GLDN: variants seen among roughly 807,000 people sequenced by gnomAD.
The protein encoded by GLDN is gliomedin.
GLDN carries 47 observed loss-of-function variants against 56.5 expected under a neutral mutation model. The observed-to-expected ratio is 0.83, with a 90% CI of 0.66 to 1.06. The LOEUF is 1.06. Among genes scored for constraint, GLDN ranks in the 50% least tolerant of loss-of-function variants. The pLI is 0.00. For missense variants in GLDN, 782 were observed against 714.3 expected, an observed-to-expected ratio of 1.09 and a Z score of -1.08; for synonymous variants, 332 against 278.8, an observed-to-expected ratio of 1.19 and a Z score of -1.90.
chr15:51,341,919 G>A lies in GLDN; in HGVS notation c.235G>A (p.Ala79Thr). The part of the protein sequence containing the change: ...LAELSRAPRG[A>T]SAPPQDPASS... ...CGAGTTGAGCCGCGCGCCGCGCGGG[G>A]CGTCCGCACCACCCCAAGACCCGGC... The change falls in exon 1 of 10, where the codon GCG becomes ACG. Residue 79 changes from alanine (A) to threonine (T), a missense_variant. Ala to Thr is a moderately conservative substitution (Grantham distance 58, BLOSUM62 0). Transcript: ENST00000335449. 6.3e-7 allele frequency: 1 copy of A among 1,594,772 alleles called. No homozygotes were observed. The highest frequency in any genetic ancestry group is 8.5e-7 in the Non-Finnish European group (1 of 1,178,244).
intron 1 of GLDN, among the ~76,000 whole-genome samples, chr15:51,349,729 G>T (rs756343011): frequency 8.6e-5 from 13 of 150,834 alleles, no homozygotes; most frequent in Non-Finnish European, 1.8e-4. Context: ...TCCCTGGAAC[G>T]GCACTAGGGC....
chr15:51,374,950 C>A (rs2037600368), intron 1 of GLDN, among the ~76,000 whole-genome samples: 1 of 152,012 alleles, frequency 6.6e-6, no homozygotes. Context: ...GTTACCCAGG[C>A]TGGTTGGGCT....
intron 1 of GLDN, among the ~76,000 whole-genome samples, chr15:51,349,799 C>T (rs2445772): frequency 6.6e-6 from 1 of 151,256 alleles, no homozygotes; most frequent in African/African-American, 2.4e-5. Flanking sequence ...GAGTGCAGTG[C>T]TGTGATTTTG....
chr15:51,360,285 G>C (rs2037268191), intron 1 of GLDN: 2 of 152,342 alleles, frequency 1.3e-5, no homozygotes, highest in African/African-American at 2.4e-5. Context: ...AGAAAGAAAG[G>C]CTGGGCAGGC....
intron 4 of GLDN, among the ~76,000 whole-genome samples, chr15:51,386,195 C>T (rs148534621): frequency 6.6e-4 from 101 of 152,270 alleles, no homozygotes; most frequent in African/African-American, 2.2e-3. Flanking sequence ...CAGCATTAGA[C>T]CGCGAAGCCT....
In GLDN at chr15:51,368,020, T is replaced by A. The variant is rs182643978; in HGVS notation, c.364-9429T>A. On this transcript the variant is annotated intron_variant, in intron 1 of 9. Transcript: ENST00000335449. ...TGGAGTAGCTGCAAAAATAAAATTA[T>A]CCTAAACAAGCAGGCACAAAGAGAA... Among the ~76,000 whole-genome samples, 344 of 152,216 alleles carry A rather than the reference T, an allele frequency of 2.3e-3. 2 individuals carry two copies. The highest frequency in any genetic ancestry group is 3.7e-3 in the Non-Finnish European group (254 of 68,008).
chr15:51,412,520 C>T (rs1227338677), downstream of GLDN, among the ~76,000 whole-genome samples: 1 of 152,156 alleles, frequency 6.6e-6, no homozygotes, highest in Non-Finnish European at 1.5e-5. Context: ...CTCTCTCTAT[C>T]CCCCAACTTG....
At position 51,361,264 on chromosome 15, in the gene GLDN, T is replaced by G. The variant is rs142277102; in HGVS notation, c.364-16185T>G. On this transcript the variant is annotated intron_variant, in intron 1 of 9. Transcript: ENST00000335449. ...CAACTCAAACTTTGGTTTTCTACAATTTTGGCCTCTAATTTGTCACCTTTA... is the reference window on the plus strand; with the variant it reads ...CAACTCAAACTTTGGTTTTCTACAAGTTTGGCCTCTAATTTGTCACCTTTA... Among the ~76,000 whole-genome samples, 506 of 152,338 alleles carry G rather than the reference T, an allele frequency of 3.3e-3. 5 individuals carry two copies. The highest frequency in any genetic ancestry group is 0.011 in the African/African-American group (470 of 41,584).
chr15:51,342,042 G>A lies in GLDN; in HGVS notation c.358G>A (p.Val120Met). 1 of 1,592,922 alleles carries A rather than the reference G, an allele frequency of 6.3e-7. No individual in the cohort carries two copies. Residue 120 changes from valine to methionine, a missense_variant, in exon 1 of 10, where the codon GTG (valine) becomes ATG (methionine). Transcript: ENST00000335449. ...GCTGATGATGATGACCTACTCCATG[G>A]TGCCGGTAGGCGGGGTCTCTGTTCC... is the stretch of plus-strand genomic sequence containing the variant. ...DMLMMMTYSM[V>M]PIRVMVDLCN...
At chr15:51,386,692 G>A (rs1027361318) in intron 4 of GLDN, among the ~76,000 whole-genome samples, 2 of 152,228 alleles carry the variant, frequency 1.3e-5, no homozygotes, top group Admixed American at 6.5e-5. Context: ...GTAGGCGGGG[G>A]ACAGCGGGCG....
intron 9 of GLDN, 144 bp downstream of exon 9, chr15:51,401,887 G>A (rs117517384): frequency 0.012 from 8,287 of 714,804 alleles, 68 homozygotes; most frequent in Middle Eastern, 0.023. Context: ...AGGGTTTGTC[G>A]ACTGAATGAA....
intron 1 of GLDN, among the ~76,000 whole-genome samples, chr15:51,349,409 T>C (rs1039644059): frequency 3.9e-5 from 6 of 152,288 alleles, no homozygotes; most frequent in Non-Finnish European, 8.8e-5. Flanking sequence ...TAGCCTGCTA[T>C]TCTACTTGTT....
intron 4 of GLDN, among the ~76,000 whole-genome samples, chr15:51,392,187 G>T (rs1452929419): frequency 1.3e-5 from 2 of 152,184 alleles, no homozygotes; most frequent in African/African-American, 4.8e-5. Flanking sequence ...TTACGTTTTA[G>T]GGTAGGGGTC....
intron 4 of GLDN, 89 bp downstream of exon 4, chr15:51,383,981 A>G (rs769790255): frequency 4.0e-6 from 4 of 988,246 alleles, no homozygotes; most frequent in Non-Finnish European, 6.3e-6. Context: ...CAGCAGGGGT[A>G]AGGTGTTTCA....
chr15:51,357,234 G>A (rs1390287389), intron 1 of GLDN, among the ~76,000 whole-genome samples: 1 of 152,158 alleles, frequency 6.6e-6, no homozygotes, highest in Non-Finnish European at 1.5e-5. Context: ...CACACTCTTT[G>A]GGTCCACGCA....
intron 2 of GLDN, among the ~76,000 whole-genome samples, chr15:51,379,384 C>T (rs2037705389): frequency 6.6e-6 from 1 of 152,218 alleles, no homozygotes; most frequent in African/African-American, 2.4e-5. Flanking sequence ...TCTAAATCAT[C>T]ATGTTACTGA....
Position 51,404,745 on chromosome 15 carries a change from A to G in GLDN, c.1647A>G (p.Leu549=). 6.5e-7 allele frequency: 1 copy of G among 1,548,708 alleles called. No homozygotes were observed. The highest frequency in any genetic ancestry group is 8.9e-7 in the Non-Finnish European group (1 of 1,122,646). ...CTGTGCAGTTTTTGTCAACTACCTT[A>G]AATCAGTGATGTGCTGCATTCGGCT... ...LYPVQFLSTT[L]NQ is the part of the protein sequence containing the mutation. Residue 549 remains leucine, a synonymous_variant, in exon 10 of 10, where the codon TTA becomes TTG. Coordinates refer to ENST00000335449, the MANE Select transcript of GLDN (RefSeq NM_181789.4).
chr15:51,378,528 A>AT (rs1445746428), intron 2 of GLDN, among the ~76,000 whole-genome samples: 2 of 152,076 alleles, frequency 1.3e-5, no homozygotes, highest in Admixed American at 6.5e-5. Context: ...TTCCTTTTTG[A>AT]TTTTTTTAAT....
At chr15:51,382,021 T>G (rs1010971240) in intron 2 of GLDN, among the ~76,000 whole-genome samples, 14 of 152,122 alleles carry the variant, frequency 9.2e-5, no homozygotes, top group Non-Finnish European at 1.6e-4. Context: ...AGGTCCTTCT[T>G]CAGCCTCATC....
Sources: allele counts gnomAD v4.1 joint callset (sites outside exome capture counted in the v4.1 genomes callset), GRCh38; gene constraint gnomAD v4.1.1; transcripts MANE v1.5; gene names NCBI Gene and HGNC (gene_info 2026-07-23, HGNC 2026-07-21).